The following AP5Z1 variants were observed in gnomAD, a reference collection of about 807,000 sequenced individuals.
The protein encoded by AP5Z1 is adaptor related protein complex 5 subunit zeta 1, also known as AP-5 complex subunit zeta-1.
A neutral mutation model predicts 83.0 loss-of-function variants in AP5Z1; 106 were observed. The ratio of observed to expected loss-of-function variants is 1.28; its 90% CI spans 1.09 to 1.50. The LOEUF (loss-of-function observed/expected upper bound fraction) is 1.50, where lower values mean the gene tolerates loss of function less well. Among genes scored for constraint, AP5Z1 ranks in the 40% most tolerant of loss-of-function variants. The pLI, the probability that AP5Z1 is intolerant of heterozygous loss-of-function variation, is 0.00. For synonymous variants in AP5Z1, 751 were observed against 514.1 expected, an observed-to-expected ratio of 1.46 and a Z score of -6.23; for missense variants, 1,565 against 1,094.2, an observed-to-expected ratio of 1.43 and a Z score of -6.07.
chr7:4,777,732 C>T (rs999831072), intron 1 of AP5Z1, among the ~76,000 whole-genome samples: 4 of 152,224 alleles, frequency 2.6e-5, no homozygotes, highest in East Asian at 1.9e-4. Flanking sequence ...CTCCCTGGCT[C>T]GGGTGGGCAG....
chr7:4,791,194 G>T lies in AP5Z1; in HGVS notation c.2233G>T (p.Glu745Ter). The change falls in exon 17 of 17, where the codon GAA (glutamate) becomes TAA (stop). Residue 745 changes from glutamate (E) to a stop codon, truncating the protein, a stop_gained. Coordinates refer to ENST00000649063, the MANE Select transcript of AP5Z1 (RefSeq NM_014855.3). LOFTEE classifies it high-confidence loss of function. Reference protein sequence around the residue: ...TSSTHSEEGAEAIRTRATELL... With the variant: ...TSSTHSEEGA The stretch of plus-strand genomic sequence containing the variant: ...CTCCACGCACAGCGAGGAGGGCGCG[G>T]AAGCCATCCGTACCCGGGCCACAGA... 1 of 1,612,642 alleles carries T rather than the reference G, an allele frequency of 6.2e-7. No homozygotes were observed. The highest frequency in any genetic ancestry group is 1.3e-5 in the African/African-American group (1 of 75,052).
chr7:4,789,819 T>C lies in AP5Z1; in HGVS notation c.1708-13T>C. On this transcript the variant is annotated splice_polypyrimidine_tract_variant and intron_variant, in intron 13 of 16. Transcript: ENST00000649063. ...GGGTGGGGCTGAGCCTGTTTCCCAC[T>C]CCTGACCCCCAGGTGGCTGACGGGT... is the stretch of plus-strand genomic sequence containing the variant. 1 of 1,549,570 alleles carries C rather than the reference T, an allele frequency of 6.5e-7. No homozygotes were observed. The highest frequency in any genetic ancestry group is 8.7e-7 in the Non-Finnish European group (1 of 1,146,376).
At position 4,788,899 on chromosome 7, in the gene AP5Z1, G is replaced by A. The variant is rs1294282752; in HGVS notation, c.1655G>A (p.Cys552Tyr). ...PMAGCARVAQ[C>Y]AQAVPTLLQA... ...GCCGGCTGTGCCCGCGTGGCCCAGTGTGCCCAGGCCGTGCCCACGCTGCTG... is the reference window on the plus strand; with the variant it reads ...GCCGGCTGTGCCCGCGTGGCCCAGTATGCCCAGGCCGTGCCCACGCTGCTG... The change falls in exon 13 of 17, where the codon TGT (cysteine) becomes TAT (tyrosine). Residue 552 changes from cysteine to tyrosine, a missense_variant. Transcript: ENST00000649063. 1 of 1,611,246 alleles carries A rather than the reference G, an allele frequency of 6.2e-7. No individual in the cohort carries two copies. The highest frequency in any genetic ancestry group is 8.5e-7 in the Non-Finnish European group (1 of 1,179,418).
Position 4,783,270 on chromosome 7 carries a change from T to G in AP5Z1, c.367-46T>G, listed in dbSNP as rs750560158. The G allele has an allele frequency of 9.2e-6, 14 of 1,526,396 alleles. No homozygotes were observed. In the South Asian group the frequency reaches 1.7e-4, roughly 19 times the overall value. The allele number at this position is 1,526,396 out of a possible 1,614,324, so 94.6% of individuals were successfully genotyped here. A position where few individuals can be genotyped will look rare whatever the true frequency, so the allele number is the denominator to read the frequency against. On this transcript the variant is annotated intron_variant, in intron 3 of 16. Transcript: ENST00000649063. Reference sequence around the variant, plus strand: ...GACTTCCGAAATGGGGGAGCTGGTCTCTGGCACAGGCCAGTACCCCAGCGT... The same window carrying G: ...GACTTCCGAAATGGGGGAGCTGGTCGCTGGCACAGGCCAGTACCCCAGCGT...
At chr7:4,790,340 G>C in intron 14 of AP5Z1, 119 bp from the exon 15 acceptor site, 1 of 1,562,194 alleles carries the variant, frequency 6.4e-7, no homozygotes, top group Non-Finnish European at 8.7e-7. Flanking sequence ...TCCTCTATCG[G>C]AGGGTGCAGC....
chr7:4,790,129 CCTT>C (rs1243405086), intron 14 of AP5Z1, 200 bp downstream of exon 14: 65 of 1,415,378 alleles, frequency 4.6e-5, no homozygotes, highest in Admixed American at 3.8e-4. Flanking sequence ...ACATTCCCGT[CCTT>C]CTTTCTGCCG....
At chr7:4,777,706 A>T (rs1049430907) in intron 1 of AP5Z1, among the ~76,000 whole-genome samples, 5 of 152,058 alleles carry the variant, frequency 3.3e-5, no homozygotes, top group African/African-American at 1.2e-4. Flanking sequence ...CACTATTTAA[A>T]TACCTGTTTC....
At chr7:4,790,641 G>C (rs979656939) in intron 15 of AP5Z1, 32 bp from the exon 16 acceptor site, 1 of 1,612,254 alleles carries the variant, frequency 6.2e-7, no homozygotes, top group Non-Finnish European at 8.5e-7. Flanking sequence ...AGGAGGCCTG[G>C]GTGGGGGCTG....
rs1309132291 is a variant in AP5Z1 at position 4,792,364 on chromosome 7, C to T, written c.*979C>T. 1.3e-5 allele frequency: 2 copies of T among 149,644 alleles called. No individual in the cohort carries two copies. The highest frequency in any genetic ancestry group is 3.0e-5 in the Non-Finnish European group (2 of 66,422). The allele number at this position is 149,644 out of a possible 1,614,324, so 9.3% of individuals were successfully genotyped here. On this transcript the variant is annotated 3_prime_UTR_variant, in exon 17 of 17. Transcript: ENST00000649063. ...CCTCTTTTGCTCTGGCCCCGCCCAC[C>T]TCCCCTCCGGCCTCGGCCCCGCCCC...
Position 4,786,137 on chromosome 7 carries a change from G to A in AP5Z1, c.1133-113G>A, listed in dbSNP as rs367995509. 7.3e-5 allele frequency: 86 copies of A among 1,170,716 alleles called. 3 individuals are homozygous for A. The South Asian group carries it at 8.1e-4, about 11-fold the overall frequency. The allele number at this position is 1,170,716 out of a possible 1,614,324, so 72.5% of individuals were successfully genotyped here. A position where few individuals can be genotyped will look rare whatever the true frequency, so the allele number is the denominator to read the frequency against. Reference sequence around the variant, plus strand: ...CCAGCGTCCCAGCGTAGGACGCCTCGGAGCCCTTGGTGTCCTGGAGAGCAG... The same window carrying A: ...CCAGCGTCCCAGCGTAGGACGCCTCAGAGCCCTTGGTGTCCTGGAGAGCAG... On this transcript the variant is annotated intron_variant, in intron 9 of 16. Transcript: ENST00000649063.
chr7:4,783,271 C>G lies in AP5Z1; in HGVS notation c.367-45C>G, dbSNP rs756269801. 8.5e-6 allele frequency: 13 copies of G among 1,527,338 alleles called. No individual in the cohort carries two copies. In the Admixed American group the frequency reaches 2.7e-4, roughly 31 times the overall value. 94.6% of individuals were successfully genotyped at this position (1,527,338 alleles called of 1,614,324 possible). A position where few individuals can be genotyped will look rare whatever the true frequency, so the allele number is the denominator to read the frequency against. On this transcript the variant is annotated intron_variant, in intron 3 of 16. Transcript: ENST00000649063. ...ACTTCCGAAATGGGGGAGCTGGTCT[C>G]TGGCACAGGCCAGTACCCCAGCGTT...
In AP5Z1 at chr7:4,791,156, G is replaced by T; in HGVS notation, c.2195G>T (p.Ser732Ile). Residue 732 changes from serine to isoleucine, a missense_variant, in exon 17 of 17, where the codon AGT becomes ATT. Transcript: ENST00000649063. ...LLSKMRTLAH[S>I]PATSSTHSEE... ...TCAAAGATGAGGACCCTGGCTCACAGTCCAGCCACCAGCTCCACGCACAGC... is the reference window on the plus strand; with the variant it reads ...TCAAAGATGAGGACCCTGGCTCACATTCCAGCCACCAGCTCCACGCACAGC... 6.2e-7 allele frequency: 1 copy of T among 1,609,892 alleles called. No individual in the cohort carries two copies. The highest frequency in any genetic ancestry group is 8.5e-7 in the Non-Finnish European group (1 of 1,178,482).
At chr7:4,791,058 G>T (rs753987599) in intron 16 of AP5Z1, 57 bp from the exon 17 acceptor site, 24 of 1,505,076 alleles carry the variant, frequency 1.6e-5, no homozygotes, top group Non-Finnish European at 2.1e-5. Context: ...CCTCCACACA[G>T]ACCCCTGTCC....
chr7:4,790,788 G>C lies in AP5Z1; in HGVS notation c.2054G>C (p.Arg685Pro), dbSNP rs371817388. ...CTGCTATTCGAGGTCACCCAGTGCC[G>C]CCCCTCTGCTGCCCTGCCCAGGTGT... ...EALLFEVTQC[R>P]PSAALPRCPP... Residue 685 changes from arginine to proline, a missense_variant, in exon 16 of 17, where the codon CGC (arginine) becomes CCC (proline). Physicochemically the swap from Arg to Pro is moderately radical, Grantham distance 103. Coordinates refer to ENST00000649063, the MANE Select transcript of AP5Z1 (RefSeq NM_014855.3). 2.1e-5 allele frequency: 33 copies of C among 1,608,660 alleles called. No individual in the cohort carries two copies. Among genetic ancestry groups the C allele is most frequent in the Non-Finnish European group, 2.6e-5 (31 of 1,178,670 alleles).
At chr7:4,780,252 T>G (rs1781343104) in intron 1 of AP5Z1, among the ~76,000 whole-genome samples, 1 of 152,232 alleles carries the variant, frequency 6.6e-6, no homozygotes, top group Non-Finnish European at 1.5e-5. Context: ...ATTAAGCCAA[T>G]TAGTTATTCG....
chr7:4,788,413 G>A (rs763429352), intron 12 of AP5Z1, 119 bp downstream of exon 12: 17 of 1,255,120 alleles, frequency 1.4e-5, no homozygotes, highest in South Asian at 1.2e-4. Flanking sequence ...TCCCACACAA[G>A]GCTGCGTCCC....
chr7:4,784,210 C>A lies in AP5Z1; in HGVS notation c.629C>A (p.Pro210His). The part of the protein sequence containing the change: ...FSTPRARQPG[P>H]VTEVDGAVAT... ...TGCCTGTCCTTCCCACAGCCGGGCC[C>A]CGTCACCGAGGTGGACGGGGCGGTA... Residue 210 changes from proline to histidine, a missense_variant, in exon 6 of 17, where the codon CCC becomes CAC. Physicochemically the swap from Pro to His is moderately conservative, Grantham distance 77. Transcript: ENST00000649063. 3.2e-6 allele frequency: 5 copies of A among 1,583,004 alleles called. No homozygotes were observed. Among genetic ancestry groups the A allele is most frequent in the Non-Finnish European group, 4.3e-6 (5 of 1,167,048 alleles).
intron 13 of AP5Z1, 149 bp downstream of exon 13, chr7:4,789,100 A>G (rs1232797679): frequency 1.3e-5 from 9 of 674,246 alleles, no homozygotes; most frequent in East Asian, 5.7e-5. Context: ...TCAGGGAGGC[A>G]CATGCCACAG....
At position 4,789,996 on chromosome 7, in the gene AP5Z1, C is replaced by T. The variant is rs1562413804; in HGVS notation, c.1805+67C>T. 3 of 803,932 alleles carry T rather than the reference C, an allele frequency of 3.7e-6. No individual in the cohort carries two copies. The African/African-American group carries it at 7.0e-5, about 19-fold the overall frequency. The allele number at this position is 803,932 out of a possible 1,614,324, so 49.8% of individuals were successfully genotyped here. ...CCTCCTGGACTCCTCCCCCTCTCCC[C>T]TCCCCCCTCCCCTTCAGTGGCTTCG... On this transcript the variant is annotated intron_variant, in intron 14 of 16. Transcript: ENST00000649063.
Sources: allele counts gnomAD v4.1 joint callset (sites outside exome capture counted in the v4.1 genomes callset), GRCh38; gene constraint gnomAD v4.1.1; transcripts MANE v1.5; gene names NCBI Gene and HGNC (gene_info 2026-07-23, HGNC 2026-07-21).